RNASEH2B: variants seen among roughly 807,000 people sequenced by gnomAD.
The protein encoded by RNASEH2B is Aicardi-Goutieres syndrome 2 protein.
In RNASEH2B, 36 loss-of-function variants were observed where a neutral mutation model predicts 45.0. The observed-to-expected ratio is 0.80, with a 90% CI of 0.61 to 1.06. RNASEH2B has a LOEUF of 1.06. RNASEH2B is among the 50% of genes least tolerant of loss of function. The pLI, the probability that RNASEH2B is intolerant of heterozygous loss-of-function variation, is 0.00. For missense variants in RNASEH2B, 361 were observed against 360.3 expected (o/e 1.00, Z -0.02); for synonymous variants, 119 against 125.7 (o/e 0.95, Z 0.35).
chr13:50,957,955 T>C (rs545123216), downstream of RNASEH2B, among the ~76,000 whole-genome samples: 1 of 152,304 alleles, frequency 6.6e-6, no homozygotes, highest in Admixed American at 6.5e-5. Flanking sequence ...ATGGGGTTAT[T>C]TGTATCTTAT....
chr13:50,927,207 A>G lies in RNASEH2B; in HGVS notation c.65-200A>G, dbSNP rs567538657. 60 of 493,790 alleles carry G rather than the reference A, an allele frequency of 1.2e-4. 1 individual carries two copies. The East Asian group carries it at 1.6e-3, about 13-fold the overall frequency. The allele number at this position is 493,790 out of a possible 1,614,324, so 30.6% of individuals were successfully genotyped here. ...GCTTCTCATCATTCCTCATAGCAAT[A>G]CATTTAAACTACCTGAAATTCAACT... On this transcript the variant is annotated intron_variant, in intron 1 of 10. Coordinates refer to ENST00000336617, the MANE Select transcript of RNASEH2B (RefSeq NM_024570.4).
At position 50,964,597 on chromosome 13, in the gene RNASEH2B, C is replaced by T. The variant is rs114248003; in HGVS notation, c.742-5335C>T. Among the ~76,000 whole-genome samples, 1,418 of 152,312 alleles carry T rather than the reference C, an allele frequency of 9.3e-3. 18 individuals carry two copies. The highest frequency in any genetic ancestry group is 0.032 in the African/African-American group (1,349 of 41,564). ...CAATAGGAACTCTGTACCATTCAAG[C>T]TTGTGTCTTGCACGGTGCCGAGCAC... On this transcript the variant is annotated intron_variant, in intron 9 of 9. Transcript: ENST00000422660.
chr13:50,966,218 AG>A (rs1952163392), intron 9 of RNASEH2B, among the ~76,000 whole-genome samples: 1 of 152,232 alleles, frequency 6.6e-6, no homozygotes, highest in African/African-American at 2.4e-5. Context: ...TATACACATA[AG>A]TACACACAAA....
chr13:50,966,493 A>G (rs111530097), intron 9 of RNASEH2B, among the ~76,000 whole-genome samples: 1 of 151,828 alleles, frequency 6.6e-6, no homozygotes, highest in Non-Finnish European at 1.5e-5. Flanking sequence ...AAAAGCCTCC[A>G]TCTTTTTCAT....
At chr13:50,942,932 AATGTAGTCTGGCTTGAGT>A in intron 5 of RNASEH2B, 1 of 198,410 alleles carries the variant, frequency 5.0e-6, no homozygotes, top group Non-Finnish European at 1.0e-5. Context: ...CTGAATACAC[AATGTAGTCTGGCTTGAGT>A]GTGGAGCCAT....
chr13:50,923,279 A>G (rs771199388), intron 1 of RNASEH2B, among the ~76,000 whole-genome samples: 37 of 152,218 alleles, frequency 2.4e-4, no homozygotes, highest in Non-Finnish European at 4.9e-4. Flanking sequence ...ATAATAGCCA[A>G]ATACTTCCCA....
intron 5 of RNASEH2B, chr13:50,939,122 GC>G (rs1387891730): frequency 6.6e-6 from 1 of 152,362 alleles, no homozygotes; most frequent in African/African-American, 2.4e-5. Context: ...TGGGAGGCCA[GC>G]GCAGGTGGAT....
Position 50,932,037 on chromosome 13 carries a change from G to C in RNASEH2B, c.321+1278G>C, listed in dbSNP as rs1951687251. Among the ~76,000 whole-genome samples the C allele has an allele frequency of 1.3e-5, 2 of 151,752 alleles. 1 individual carries two copies. Among genetic ancestry groups the C allele is most frequent in the South Asian group, 4.1e-4 (2 of 4,820 alleles). On this transcript the variant is annotated intron_variant, in intron 4 of 10. Transcript: ENST00000336617. ...CATCAGAAAGCTCTTTAGGTATTGA[G>C]AAGCTGTCATAGTGGCAGATAGAAA...
At chr13:50,930,900 A>G (rs1951673631) in intron 4 of RNASEH2B, 141 bp downstream of exon 4, 1 of 743,470 alleles carries the variant, frequency 1.3e-6, no homozygotes, top group East Asian at 2.5e-5. Context: ...CATGAATCAT[A>G]TGGGCCAGTG....
intron 9 of RNASEH2B, among the ~76,000 whole-genome samples, chr13:50,965,458 G>A (rs184600025): frequency 6.6e-6 from 1 of 152,252 alleles, no homozygotes; most frequent in East Asian, 1.9e-4. Flanking sequence ...CCTAACTTGG[G>A]GTTGCATACA....
Position 50,956,584 on chromosome 13 carries a change from A to G in RNASEH2B, c.*110A>G, listed in dbSNP as rs761886682. 1.1e-5 allele frequency: 17 copies of G among 1,511,878 alleles called. No homozygotes were observed. In the Admixed American group the frequency reaches 1.9e-4, roughly 17 times the overall value. The allele number at this position is 1,511,878 out of a possible 1,614,324, so 93.7% of individuals were successfully genotyped here. A position where few individuals can be genotyped will look rare whatever the true frequency, so the allele number is the denominator to read the frequency against. The stretch of plus-strand genomic sequence containing the variant: ...TTGGGGGAAGGAAGAGGCCAATTTC[A>G]TGTTCTCTTAAACATTTCTTTGCAT... On this transcript the variant is annotated 3_prime_UTR_variant, in exon 11 of 11. Transcript: ENST00000336617.
chr13:50,933,607 C>T (rs1450100802), intron 4 of RNASEH2B, among the ~76,000 whole-genome samples: 1 of 152,038 alleles, frequency 6.6e-6, no homozygotes, highest in Non-Finnish European at 1.5e-5. Context: ...TTCTAGGTAT[C>T]CCACTGCTAC....
intron 9 of RNASEH2B, among the ~76,000 whole-genome samples, chr13:50,966,953 C>G (rs978812446): frequency 1.3e-5 from 2 of 152,138 alleles, no homozygotes; most frequent in Admixed American, 1.3e-4. Flanking sequence ...CAGTACTAAA[C>G]AGACTAATTA....
chr13:50,925,136 T>A (rs9535530), intron 1 of RNASEH2B, among the ~76,000 whole-genome samples: 2 of 152,004 alleles, frequency 1.3e-5, no homozygotes, highest in African/African-American at 4.8e-5. Context: ...TTACTGTGTC[T>A]TCAAGTTCAT....
At chr13:50,932,876 A>C (rs902042940) in intron 4 of RNASEH2B, among the ~76,000 whole-genome samples, 1 of 152,182 alleles carries the variant, frequency 6.6e-6, no homozygotes, top group Non-Finnish European at 1.5e-5. Context: ...ATAAAGTATC[A>C]ATGCATGTTT....
At chr13:50,954,326 A>G (rs1952016674) in intron 10 of RNASEH2B, 9 of 489,008 alleles carry the variant, frequency 1.8e-5, no homozygotes, top group Non-Finnish European at 3.2e-5. Flanking sequence ...TTATGATGAT[A>G]AAAATTAATA....
chr13:50,949,094 T>C (rs1164976317), intron 8 of RNASEH2B: 1 of 181,340 alleles, frequency 5.5e-6, no homozygotes, highest in African/African-American at 2.4e-5. Context: ...TTATGTGGCT[T>C]TTTGTGAACA....
At position 50,910,071 on chromosome 13, in the gene RNASEH2B, G is replaced by A; in HGVS notation, c.-6G>A. 6.8e-7 allele frequency: 1 copy of A among 1,463,128 alleles called. No individual in the cohort carries two copies. Among genetic ancestry groups the A allele is most frequent in the South Asian group, 1.3e-5 (1 of 74,414 alleles). The allele number at this position is 1,463,128 out of a possible 1,614,324, so 90.6% of individuals were successfully genotyped here. A position where few individuals can be genotyped will look rare whatever the true frequency, so the allele number is the denominator to read the frequency against. ...AGCCTGCGGCGCCCCGGAAGAGGCG[G>A]GCGGCATGGCCGCTGGCGTGGACTG... On this transcript the variant is annotated 5_prime_UTR_variant, in exon 1 of 11. Coordinates refer to ENST00000336617, the MANE Select transcript of RNASEH2B (RefSeq NM_024570.4).
At chr13:50,924,295 C>A (rs923983117) in intron 1 of RNASEH2B, among the ~76,000 whole-genome samples, 1 of 152,136 alleles carries the variant, frequency 6.6e-6, no homozygotes, top group African/African-American at 2.4e-5. Context: ...GACACACTTA[C>A]ACACACTTTA....
Sources: allele counts gnomAD v4.1 joint callset (sites outside exome capture counted in the v4.1 genomes callset), GRCh38; gene constraint gnomAD v4.1.1; transcripts MANE v1.5; gene names NCBI Gene and HGNC (gene_info 2026-07-23, HGNC 2026-07-21).